MID1: variants seen among roughly 807,000 people sequenced by gnomAD.
The protein encoded by MID1 is E3 ubiquitin-protein ligase Midline-1.
Under a neutral mutation model 40.4 loss-of-function variants are expected in MID1, and 7 were observed. The observed-to-expected ratio is 0.17, with a 90% CI of 0.10 to 0.33. The LOEUF (loss-of-function observed/expected upper bound fraction) is 0.33. Among genes scored for constraint, MID1 ranks in the 10% least tolerant of loss-of-function variants. MID1 has a pLI of 1.00. For missense variants in MID1, 367 were observed against 558.5 expected (o/e 0.66, Z 3.46); for synonymous variants, 229 against 221.2 (o/e 1.04, Z -0.31).
At position 10,567,976 on chromosome X, in the gene MID1, G is replaced by A. The variant is rs1934619815; in HGVS notation, c.-56-373C>T. Among the ~76,000 whole-genome samples, 4 of 111,982 alleles carry A rather than the reference G, an allele frequency of 3.6e-5. No homozygotes were observed. The South Asian group carries it at 1.1e-3, about 32-fold the overall frequency. On this transcript the variant is annotated intron_variant, in intron 1 of 9. Coordinates refer to ENST00000317552, the MANE Select transcript of MID1 (RefSeq NM_000381.4). ...TTAACCTCGCACAGAAAATTAAAAT[G>A]TAGAAATATTCATCAATAAACTAGA...
At chrX:10,548,336 C>A (rs1185499399) in intron 2 of MID1, among the ~76,000 whole-genome samples, 1 of 111,276 alleles carries the variant, frequency 9.0e-6, no homozygotes, top group Non-Finnish European at 1.9e-5. Context: ...CTCTATAAGG[C>A]CCCTTTCAAT....
Position 10,746,137 on chromosome X carries a change from T to C in MID1, c.-187+87417A>G, listed in dbSNP as rs1306199746. 1.1e-4 allele frequency among the ~76,000 whole-genome samples: 12 copies of C among 111,804 alleles called. No homozygotes were observed. In the Admixed American group the frequency reaches 1.1e-3, roughly 11 times the overall value. On this transcript the variant is annotated intron_variant, in intron 1 of 10. Coordinates refer to the MID1 transcript ENST00000380785. ...AGGCGGCATTCCTGAGCAGAGATAA[T>C]TATGCTCAAGGAGTCAAGGTGGTGG...
intron 1 of MID1, among the ~76,000 whole-genome samples, chrX:10,664,341 G>A (rs2042936566): frequency 9.0e-6 from 1 of 111,039 alleles, no homozygotes; most frequent in Non-Finnish European, 1.9e-5. Flanking sequence ...TTATTTTTTT[G>A]TATTTTTAGT....
intron 1 of MID1, among the ~76,000 whole-genome samples, chrX:10,750,909 G>A (rs1457291532): frequency 9.0e-6 from 1 of 111,362 alleles, no homozygotes; most frequent in Non-Finnish European, 1.9e-5. Context: ...GGTGGGCAGA[G>A]GGTTGTGTCC....
chrX:10,659,408 G>A (rs1448302526), intron 1 of MID1, among the ~76,000 whole-genome samples: 1 of 111,422 alleles, frequency 9.0e-6, no homozygotes, highest in African/African-American at 3.3e-5. Flanking sequence ...GGGCAACATG[G>A]CACATATGCC....
At chrX:10,457,708 C>G (rs1928767785) in intron 8 of MID1, among the ~76,000 whole-genome samples, 1 of 112,443 alleles carries the variant, frequency 8.9e-6, no homozygotes, top group African/African-American at 3.2e-5. Context: ...CAAAGAAACT[C>G]CCTGGTGTGG....
intron 2 of MID1, among the ~76,000 whole-genome samples, chrX:10,558,850 A>G (rs1934226012): frequency 8.9e-6 from 1 of 112,804 alleles, no homozygotes; most frequent in Non-Finnish European, 1.9e-5. Flanking sequence ...ACACAGCCAC[A>G]TGATGAAGAG....
At chrX:10,451,008 T>TAA (rs199893011) in intron 9 of MID1, among the ~76,000 whole-genome samples, 3 of 111,739 alleles carry the variant, frequency 2.7e-5, no homozygotes, top group African/African-American at 9.8e-5. Context: ...TGACATTCTT[T>TAA]AAAAAAAATC....
At chrX:10,585,813 T>C (rs765098767) in intron 1 of MID1, among the ~76,000 whole-genome samples, 7 of 111,744 alleles carry the variant, frequency 6.3e-5, no homozygotes, top group Non-Finnish European at 1.1e-4. Context: ...ATGATAAATG[T>C]ACTTATTTTC....
intron 1 of MID1, among the ~76,000 whole-genome samples, chrX:10,736,217 G>A (rs1349959242): frequency 1.2e-4 from 13 of 109,744 alleles, no homozygotes; most frequent in Non-Finnish European, 2.3e-4. Flanking sequence ...CTGACCTCGT[G>A]ATCCGCCCGC....
At chrX:10,581,677 T>C (rs1369235679) in intron 1 of MID1, among the ~76,000 whole-genome samples, 3 of 112,561 alleles carry the variant, frequency 2.7e-5, no homozygotes, top group Non-Finnish European at 3.8e-5. Context: ...ATCCATTTAT[T>C]CAATAACATT....
At chrX:10,568,134 C>T (rs2147471076) in intron 1 of MID1, among the ~76,000 whole-genome samples, 1 of 111,941 alleles carries the variant, frequency 8.9e-6, no homozygotes, top group South Asian at 3.8e-4. Context: ...ATGAAATGTA[C>T]ATGAAATCAA....
chrX:10,584,977 A>G (rs760399603), intron 1 of MID1, among the ~76,000 whole-genome samples: 48 of 111,019 alleles, frequency 4.3e-4, no homozygotes, highest in South Asian at 1.9e-3. Context: ...GGTCATGATC[A>G]ATTGAGCAAG....
chrX:10,602,836 C>T (rs1935557238), intron 1 of MID1, among the ~76,000 whole-genome samples: 1 of 111,775 alleles, frequency 8.9e-6, no homozygotes, highest in Non-Finnish European at 1.9e-5. Context: ...ATTTACTAAG[C>T]AAATATTTAC....
At chrX:10,589,923 G>C (rs1032384470) in intron 1 of MID1, 8 of 109,239 alleles carry the variant, frequency 7.3e-5, no homozygotes. Flanking sequence ...TATTTGGCCA[G>C]AGGCATCAGC....
At position 10,594,314 on chromosome X, in the gene MID1, C is replaced by T. The variant is rs759751974; in HGVS notation, c.-57+25976G>A. On this transcript the variant is annotated intron_variant, in intron 1 of 9. Transcript: ENST00000317552. ...GGTCCTTATTTTTGTTCGCTTTGTC[C>T]TTCTATCTGTACTGTCTTCTCTCAG... 1.5e-4 allele frequency among the ~76,000 whole-genome samples: 17 copies of T among 111,574 alleles called. No individual in the cohort carries two copies. The South Asian group carries it at 4.9e-3, about 32-fold the overall frequency.
rs1363402026 is a variant in MID1, at chrX:10,505,393, T to C, written c.757-9702A>G. 1.9e-5 allele frequency: 14 copies of C among 750,616 alleles called. No homozygotes were observed. In the African/African-American group the frequency reaches 3.2e-4, roughly 17 times the overall value. 61.9% of individuals were successfully genotyped at this position (750,616 alleles called of 1,213,427 possible). ...GCAGTTCCAAAATGAAGAAGCAGAATGGAAGGGGTTGCTCATAATTCATTG... is the reference window on the plus strand; with the variant it reads ...GCAGTTCCAAAATGAAGAAGCAGAACGGAAGGGGTTGCTCATAATTCATTG... On this transcript the variant is annotated intron_variant, in intron 3 of 9. Transcript: ENST00000317552.
chrX:10,464,777 A>T (rs980052871), intron 7 of MID1, among the ~76,000 whole-genome samples: 9 of 112,032 alleles, frequency 8.0e-5, no homozygotes, highest in African/African-American at 2.9e-4. Flanking sequence ...TATGAATTCT[A>T]CTTAGGCCCT....
upstream of MID1, among the ~76,000 whole-genome samples, chrX:10,623,269 AAAGG>A (rs1165416306): frequency 1.1e-4 from 11 of 102,934 alleles, no homozygotes; most frequent in East Asian, 3.0e-4. Context: ...AAAAATAAAG[AAAGG>A]AAAGAAAGAA....
Sources: allele counts gnomAD v4.1 joint callset (sites outside exome capture counted in the v4.1 genomes callset), GRCh38; gene constraint gnomAD v4.1.1; transcripts MANE v1.5; gene names NCBI Gene and HGNC (gene_info 2026-07-23, HGNC 2026-07-21).